INSYN2B: variants seen among roughly 807,000 people sequenced by gnomAD.
INSYN2B encodes the protein inhibitory synaptic factor family member 2B, also known as protein INSYN2B.
In INSYN2B, 16 loss-of-function variants were observed where a neutral mutation model predicts 41.2. The observed-to-expected ratio is 0.39, with a 90% CI of 0.26 to 0.59. The LOEUF is 0.59. INSYN2B is among the 20% of genes least tolerant of loss of function. INSYN2B has a pLI of 0.57. For synonymous variants in INSYN2B, 245 were observed against 244.4 expected (o/e 1.00, Z -0.02); for missense variants, 608 against 646.4 (o/e 0.94, Z 0.64).
At chr5:169,951,497 T>G (rs1266100818) in intron 1 of INSYN2B, among the ~76,000 whole-genome samples, 3 of 152,226 alleles carry the variant, frequency 2.0e-5, no homozygotes, top group Admixed American at 2.0e-4. Context: ...GAGCCTGCTG[T>G]GTGCTGCCTG....
chr5:169,960,482 TAC>T, intron 1 of INSYN2B, among the ~76,000 whole-genome samples: 1 of 152,338 alleles, frequency 6.6e-6, no homozygotes, highest in African/African-American at 2.4e-5. Flanking sequence ...AAATCTCATA[TAC>T]TCAAGATGAA....
At chr5:169,950,028 C>A (rs527354366) in intron 1 of INSYN2B, among the ~76,000 whole-genome samples, 1 of 152,190 alleles carries the variant, frequency 6.6e-6, no homozygotes, top group Non-Finnish European at 1.5e-5. Context: ...GAGGGGATCA[C>A]AGATGCTTCC....
At chr5:169,961,906 G>C (rs1193508309) in intron 1 of INSYN2B, among the ~76,000 whole-genome samples, 2 of 143,260 alleles carry the variant, frequency 1.4e-5, no homozygotes, top group Non-Finnish European at 3.0e-5. Flanking sequence ...TTGAACCCAG[G>C]AGGCGGAGGT....
intron 1 of INSYN2B, among the ~76,000 whole-genome samples, chr5:169,927,105 A>G (rs539424458): frequency 6.6e-6 from 1 of 152,362 alleles, no homozygotes; most frequent in East Asian, 1.9e-4. Flanking sequence ...GGGAAGAGCA[A>G]AAGAGCAGAA....
Position 169,867,978 on chromosome 5 carries a change from T to C in INSYN2B, c.1422-3519A>G, listed in dbSNP as rs1370819695. On this transcript the variant is annotated intron_variant, in intron 3 of 3. Coordinates refer to ENST00000377365, the MANE Select transcript of INSYN2B (RefSeq NM_001129891.3). ...ATAGTTCACAGATAGGGAACATCTA[T>C]ATTCACAATGCTCCTAGCTCCTGAA... is the stretch of plus-strand genomic sequence containing the variant. Among the ~76,000 whole-genome samples, 5 of 152,316 alleles carry C rather than the reference T, an allele frequency of 3.3e-5. No individual in the cohort carries two copies. In the Middle Eastern group the frequency reaches 0.014, roughly 414 times the overall value.
intron 1 of INSYN2B, among the ~76,000 whole-genome samples, chr5:169,944,798 G>A (rs978771566): frequency 2.0e-5 from 3 of 152,318 alleles, no homozygotes; most frequent in African/African-American, 4.8e-5. Flanking sequence ...TGTGATGATC[G>A]GAAAGCTGAA....
At chr5:169,943,228 G>C (rs1242226441) in intron 1 of INSYN2B, among the ~76,000 whole-genome samples, 1 of 152,120 alleles carries the variant, frequency 6.6e-6, no homozygotes, top group Non-Finnish European at 1.5e-5. Flanking sequence ...GGATGAATAG[G>C]TTTTAAAATA....
rs1027011556 is a variant in INSYN2B, at chr5:169,912,765, A to C, written c.-918-27949T>G. ...AGTTTTTGGTAAAGAAAGGAGGATC[A>C]AACATAGCAGGGTGGCAGCAGCAGG... On this transcript the variant is annotated intron_variant, in intron 1 of 3. Transcript: ENST00000377365. Among the ~76,000 whole-genome samples the C allele has an allele frequency of 3.9e-5, 6 of 152,264 alleles. No individual in the cohort carries two copies. The South Asian group carries it at 1.2e-3, about 32-fold the overall frequency.
intron 1 of INSYN2B, among the ~76,000 whole-genome samples, chr5:169,958,696 G>A (rs1448063319): frequency 1.3e-5 from 2 of 152,066 alleles, no homozygotes; most frequent in Non-Finnish European, 2.9e-5. Context: ...AGATGGTTAA[G>A]TATGTATTAA....
intron 3 of INSYN2B, among the ~76,000 whole-genome samples, chr5:169,870,337 A>C (rs1053584904): frequency 6.6e-6 from 1 of 152,182 alleles, no homozygotes; most frequent in Non-Finnish European, 1.5e-5. Context: ...TGGAAGCAGC[A>C]AGAGCCCCAA....
intron 1 of INSYN2B, among the ~76,000 whole-genome samples, chr5:169,953,173 A>T (rs537355369): frequency 1.3e-5 from 2 of 152,198 alleles, no homozygotes; most frequent in East Asian, 3.9e-4. Context: ...AATACAAAAA[A>T]TTAGCTGGGT....
rs763219519 is a variant in INSYN2B, at chr5:169,933,081, G to A, written c.-919+47196C>T. ...TTGCCTTTCCACCTATCCTACAGTCGTTAAGTAAGAGAGATGCCCTTACTC... is the reference window on the plus strand; with the variant it reads ...TTGCCTTTCCACCTATCCTACAGTCATTAAGTAAGAGAGATGCCCTTACTC... On this transcript the variant is annotated intron_variant, in intron 1 of 3. Coordinates refer to ENST00000377365, the MANE Select transcript of INSYN2B (RefSeq NM_001129891.3). Among the ~76,000 whole-genome samples the A allele has an allele frequency of 7.2e-5, 11 of 152,132 alleles. 1 individual carries two copies. The highest frequency in any genetic ancestry group is 4.1e-4 in the South Asian group (2 of 4,822).
At chr5:169,889,952 A>G (rs547426077) in intron 1 of INSYN2B, among the ~76,000 whole-genome samples, 5 of 152,218 alleles carry the variant, frequency 3.3e-5, no homozygotes, top group Non-Finnish European at 5.9e-5. Context: ...CTCTGAACTT[A>G]GTAATAATAA....
At position 169,972,650 on chromosome 5, in the gene INSYN2B, CCT is replaced by C. The variant is rs34182942; in HGVS notation, c.-919+7625_-919+7626del. Among the ~76,000 whole-genome samples, 1,295 of 150,556 alleles carry C rather than the reference CCT, an allele frequency of 8.6e-3. 15 individuals carry two copies. Among genetic ancestry groups the C allele is most frequent in the Middle Eastern group, 0.034 (10 of 294 alleles). On this transcript the variant is annotated intron_variant, in intron 1 of 3. Coordinates refer to ENST00000377365, the MANE Select transcript of INSYN2B (RefSeq NM_001129891.3). ...TAGATGATAGGTGGATAAAATCTCCCCTGTTAGTCTGAGACCTTCAGTGTGTG... is the reference window on the plus strand; with the variant it reads ...TAGATGATAGGTGGATAAAATCTCCCGTTAGTCTGAGACCTTCAGTGTGTG...
At chr5:169,970,611 G>GATTC (rs1206441317) in intron 1 of INSYN2B, among the ~76,000 whole-genome samples, 1 of 152,210 alleles carries the variant, frequency 6.6e-6, no homozygotes, top group Non-Finnish European at 1.5e-5. Context: ...GGCTTGCAGG[G>GATTC]TAGTTCCCAA....
intron 1 of INSYN2B, among the ~76,000 whole-genome samples, chr5:169,889,422 C>T (rs762833777): frequency 1.3e-5 from 2 of 152,162 alleles, no homozygotes; most frequent in Non-Finnish European, 1.5e-5. Flanking sequence ...AAGACCTGAT[C>T]CCTATTGTAG....
At chr5:169,906,025 G>C (rs568646526) in intron 1 of INSYN2B, among the ~76,000 whole-genome samples, 1 of 152,264 alleles carries the variant, frequency 6.6e-6, no homozygotes, top group Non-Finnish European at 1.5e-5. Flanking sequence ...ATCTCAGCAG[G>C]TGTTGACTGG....
intron 1 of INSYN2B, among the ~76,000 whole-genome samples, chr5:169,976,708 G>C (rs1188682147): frequency 6.6e-6 from 1 of 152,162 alleles, no homozygotes; most frequent in Non-Finnish European, 1.5e-5. Flanking sequence ...GCCCCTCTTC[G>C]AGCCTTGATT....
At chr5:169,892,617 C>T (rs903291977) in intron 1 of INSYN2B, among the ~76,000 whole-genome samples, 1 of 152,214 alleles carries the variant, frequency 6.6e-6, no homozygotes, top group Non-Finnish European at 1.5e-5. Flanking sequence ...TTCTACCACT[C>T]CAACCCTCTA....
Sources: allele counts gnomAD v4.1 joint callset (sites outside exome capture counted in the v4.1 genomes callset), GRCh38; gene constraint gnomAD v4.1.1; transcripts MANE v1.5; gene names NCBI Gene and HGNC (gene_info 2026-07-23, HGNC 2026-07-21).